Variants in RFTN1 observed in about 807,000 individuals in gnomAD.
RFTN1 encodes raftlin.
RFTN1 carries 26 observed loss-of-function variants against 46.5 expected under a neutral mutation model. The ratio of observed to expected loss-of-function variants is 0.56; its 90% CI spans 0.41 to 0.78. The LOEUF is 0.78. Ranked by LOEUF, RFTN1 falls within the 30% of genes least tolerant of loss-of-function variation. The pLI, the probability that RFTN1 is intolerant of heterozygous loss-of-function variation, is 0.00. For synonymous variants in RFTN1, 261 were observed against 284.2 expected (o/e 0.92, Z 0.82); for missense variants, 693 against 718.7 (o/e 0.96, Z 0.41).
rs1014399691 is a variant in RFTN1, at chr3:16,433,985, G to A, written c.198C>T (p.Pro66=). ...GCTGGTACAGCTCCAGGAGCTGGGC[G>A]GGCAGGTCACGCAGGGAGGCCAGCC... ...AVRLASLRDL[P]AQLLELYQQG... The change falls in exon 3 of 10, where the codon CCC becomes CCT. Residue 66 remains proline, a synonymous_variant. Coordinates refer to ENST00000334133, the MANE Select transcript of RFTN1 (RefSeq NM_015150.2). The surrounding 1 kb of genome is among the most constrained non-coding windows in gnomAD (Gnocchi z 4.4). 1.4e-5 allele frequency: 22 copies of A among 1,613,298 alleles called. No homozygotes were observed. Among genetic ancestry groups the A allele is most frequent in the South Asian group, 7.7e-5 (7 of 91,006 alleles).
At chr3:16,364,496 T>C (rs2073031988) in intron 6 of RFTN1, among the ~76,000 whole-genome samples, 1 of 152,102 alleles carries the variant, frequency 6.6e-6, no homozygotes, top group African/African-American at 2.4e-5. Context: ...CTAGACAGGC[T>C]AGGTTTCTAC....
rs924701418 is a variant in RFTN1, at chr3:16,447,406, C to T, written c.146-13369G>A. On this transcript the variant is annotated intron_variant, in intron 2 of 9. Coordinates refer to ENST00000334133, the MANE Select transcript of RFTN1 (RefSeq NM_015150.2). The surrounding 1 kb of genome is among the most constrained non-coding windows in gnomAD (Gnocchi z 5.9). ...GCATGGAAATAGAAAATCATACACACGAGTTGAGCAGCTCCGGCTCCATTA... is the reference window on the plus strand; with the variant it reads ...GCATGGAAATAGAAAATCATACACATGAGTTGAGCAGCTCCGGCTCCATTA... Among the ~76,000 whole-genome samples the T allele has an allele frequency of 1.5e-4, 23 of 152,266 alleles. No homozygotes were observed. The highest frequency in any genetic ancestry group is 3.4e-3 in the Middle Eastern group (1 of 294).
rs1327691889 is a variant in RFTN1 at position 16,512,049 on chromosome 3, G to C, written c.-9+1393C>G. Among the ~76,000 whole-genome samples, 1 of 152,182 alleles carries C rather than the reference G, an allele frequency of 6.6e-6. No homozygotes were observed. Among genetic ancestry groups the C allele is most frequent in the Non-Finnish European group, 1.5e-5 (1 of 68,032 alleles). ...ATGCAGAGCTCAGTCTGAGGTTAGA[G>C]TGATTTCACTGAGGTTAGCACACAC... On this transcript the variant is annotated intron_variant, in intron 1 of 9. Coordinates refer to ENST00000334133, the MANE Select transcript of RFTN1 (RefSeq NM_015150.2). This position sits in a 1 kb window ranked among gnomAD's most constrained non-coding sequence, Gnocchi z 4.3.
At chr3:16,415,409 GTATATA>G (rs367960866) in intron 3 of RFTN1, among the ~76,000 whole-genome samples, 1 of 104,526 alleles carries the variant, frequency 9.6e-6, no homozygotes, top group African/African-American at 3.0e-5. Flanking sequence ...AGACAGTTGA[GTATATA>G]TATATATATA....
intron 3 of RFTN1, among the ~76,000 whole-genome samples, chr3:16,412,719 C>G (rs1350524358): frequency 6.6e-6 from 1 of 152,214 alleles, no homozygotes; most frequent in Non-Finnish European, 1.5e-5. Flanking sequence ...GGATGTCACT[C>G]CTGTGATGGC....
chr3:16,330,080 G>T (rs1330052762), intron 7 of RFTN1, among the ~76,000 whole-genome samples: 2 of 152,222 alleles, frequency 1.3e-5, no homozygotes, highest in African/African-American at 4.8e-5. Context: ...CAGGGTAGGA[G>T]ATGTCAGCCA....
At chr3:16,454,749 C>T (rs1474194444) in intron 2 of RFTN1, 21 of 985,128 alleles carry the variant, frequency 2.1e-5, no homozygotes, top group Non-Finnish European at 2.0e-5. Context: ...GGCCTCCCTC[C>T]TTGTGTCAAG....
chr3:16,402,608 A>G lies in RFTN1; in HGVS notation c.441+6767T>C, dbSNP rs1282154790. Among the ~76,000 whole-genome samples, 2 of 152,124 alleles carry G rather than the reference A, an allele frequency of 1.3e-5. No individual in the cohort carries two copies. Among genetic ancestry groups the G allele is most frequent in the African/African-American group, 4.8e-5 (2 of 41,414 alleles). On this transcript the variant is annotated intron_variant, in intron 4 of 9. Transcript: ENST00000334133. This position sits in a 1 kb window ranked among gnomAD's most constrained non-coding sequence, Gnocchi z 4.5. The stretch of plus-strand genomic sequence containing the variant: ...CACTTGTAGAAATGAAACTCTGAAT[A>G]CTCAACAATCAGCCAGAAAGTAAAT...
chr3:16,434,408 C>CGAA (rs752211010), intron 2 of RFTN1, among the ~76,000 whole-genome samples: 1 of 150,182 alleles, frequency 6.7e-6, no homozygotes. Flanking sequence ...ACAAAAAAAC[C>CGAA]CCCTCAAAAT....
chr3:16,352,342 C>A lies in RFTN1; in HGVS notation c.1146+5590G>T, dbSNP rs1445549765. Among the ~76,000 whole-genome samples the A allele has an allele frequency of 1.3e-5, 2 of 152,204 alleles. No homozygotes were observed. The highest frequency in any genetic ancestry group is 2.9e-5 in the Non-Finnish European group (2 of 68,038). ...ATGGGCTGTCAGGCTCAAAGATAAACAGATTCAGAGGGAAGAAGAGGGTCT... is the reference window on the plus strand; with the variant it reads ...ATGGGCTGTCAGGCTCAAAGATAAAAAGATTCAGAGGGAAGAAGAGGGTCT... On this transcript the variant is annotated intron_variant, in intron 7 of 9. Transcript: ENST00000334133. This position sits in a 1 kb window ranked among gnomAD's most constrained non-coding sequence, Gnocchi z 4.6.
intron 2 of RFTN1, among the ~76,000 whole-genome samples, chr3:16,438,950 A>T (rs535953522): frequency 1.3e-5 from 2 of 152,158 alleles, no homozygotes; most frequent in Admixed American, 1.3e-4. Flanking sequence ...TAGTCAATCA[A>T]CCACTTTATA....
intron 4 of RFTN1, among the ~76,000 whole-genome samples, chr3:16,393,711 T>A (rs2074403354): frequency 6.6e-6 from 1 of 151,952 alleles, no homozygotes; most frequent in Non-Finnish European, 1.5e-5. Context: ...CAGGCTGTAG[T>A]GCAGTGGCAC....
At chr3:16,453,933 T>A (rs1388730986) in intron 2 of RFTN1, among the ~76,000 whole-genome samples, 1 of 152,186 alleles carries the variant, frequency 6.6e-6, no homozygotes, top group Non-Finnish European at 1.5e-5. Flanking sequence ...TAATGCAAAA[T>A]GCAAATAACA....
chr3:16,445,270 G>C (rs1426580722), intron 2 of RFTN1, among the ~76,000 whole-genome samples: 2 of 152,012 alleles, frequency 1.3e-5, no homozygotes, highest in Non-Finnish European at 2.9e-5. Flanking sequence ...ACCTTCTCAT[G>C]GGCCTCACAA....
chr3:16,354,224 C>G (rs2072280803), intron 7 of RFTN1, among the ~76,000 whole-genome samples: 1 of 152,174 alleles, frequency 6.6e-6, no homozygotes, highest in Non-Finnish European at 1.5e-5. Context: ...TAGGGTCATG[C>G]CCAGAGAGTT....
At position 16,346,778 on chromosome 3, in the gene RFTN1, A is replaced by T. The variant is rs1214331729; in HGVS notation, c.1146+11154T>A. On this transcript the variant is annotated intron_variant, in intron 7 of 9. Transcript: ENST00000334133. This position sits in a 1 kb window ranked among gnomAD's most constrained non-coding sequence, Gnocchi z 4.4. ...TCTTCACGGTTGTCATCACATTTGC[A>T]TGAGACACCTAGAATTGCCACAGTC... Among the ~76,000 whole-genome samples the T allele has an allele frequency of 6.6e-6, 1 of 152,200 alleles. No individual in the cohort carries two copies. Among genetic ancestry groups the T allele is most frequent in the Non-Finnish European group, 1.5e-5 (1 of 68,022 alleles).
At chr3:16,430,236 G>A (rs529153627) in intron 3 of RFTN1, among the ~76,000 whole-genome samples, 4 of 152,056 alleles carry the variant, frequency 2.6e-5, no homozygotes, top group South Asian at 4.2e-4. Flanking sequence ...TCAGCCTCCC[G>A]GGTAGCTGGG....
At chr3:16,437,723 G>A (rs1015833826) in intron 2 of RFTN1, among the ~76,000 whole-genome samples, 5 of 151,922 alleles carry the variant, frequency 3.3e-5, no homozygotes, top group Admixed American at 2.0e-4. Flanking sequence ...GCTCCAATAC[G>A]GCTTGCACAA....
At position 16,337,367 on chromosome 3, in the gene RFTN1, C is replaced by G. The variant is rs1202109351; in HGVS notation, c.1147-10491G>C. On this transcript the variant is annotated intron_variant, in intron 7 of 9. Coordinates refer to ENST00000334133, the MANE Select transcript of RFTN1 (RefSeq NM_015150.2). This position sits in a 1 kb window ranked among gnomAD's most constrained non-coding sequence, Gnocchi z 5.0. ...AGCTTTATTACACAGCAGAAGCTAACTGGTGTATTACTATTATTACTATTA... is the reference window on the plus strand; with the variant it reads ...AGCTTTATTACACAGCAGAAGCTAAGTGGTGTATTACTATTATTACTATTA... 6.6e-6 allele frequency: 1 copy of G among 152,216 alleles called. No homozygotes were observed. Among genetic ancestry groups the G allele is most frequent in the Non-Finnish European group, 1.5e-5 (1 of 68,034 alleles). 9.4% of individuals were successfully genotyped at this position (152,216 alleles called of 1,614,324 possible).
Sources: gnomAD v4.1 joint callset for allele counts (sites outside exome capture counted in the v4.1 genomes callset) on GRCh38, gnomAD v4.1.1 for gene constraint, Gnocchi (gnomAD v3.1) non-coding constraint, MANE v1.5 for transcripts, NCBI Gene and HGNC (gene_info 2026-07-23, HGNC 2026-07-21) for gene names.